DCLK1: variants seen among roughly 807,000 people sequenced by gnomAD.
DCLK1 encodes doublecortin like kinase 1, also known as serine/threonine-protein kinase DCLK1.
Under a neutral mutation model 86.2 loss-of-function variants are expected in DCLK1, and 16 were observed. That is an observed-to-expected ratio of 0.19 (90% confidence interval 0.13 to 0.28). The LOEUF (loss-of-function observed/expected upper bound fraction) is 0.28. Among genes scored for constraint, DCLK1 ranks in the 10% least tolerant of loss-of-function variants. DCLK1 has a pLI of 1.00. For missense variants in DCLK1, 590 were observed against 940.2 expected, an observed-to-expected ratio of 0.63 and a Z score of 4.87; for synonymous variants, 369 against 370.5, an observed-to-expected ratio of 1.00 and a Z score of 0.05.
intron 3 of DCLK1, among the ~76,000 whole-genome samples, chr13:36,039,089 AC>A (rs1475831564): frequency 6.6e-6 from 1 of 152,198 alleles, no homozygotes; most frequent in African/African-American, 2.4e-5. Context: ...TTGATCTGTC[AC>A]TGTTGTAGAA....
chr13:35,857,830 C>T (rs1234648983), intron 5 of DCLK1, among the ~76,000 whole-genome samples: 1 of 152,100 alleles, frequency 6.6e-6, no homozygotes, highest in Non-Finnish European at 1.5e-5. Context: ...TGTTTCAGGG[C>T]TGGATACGAG....
At chr13:36,122,690 T>C (rs1886036291) in intron 2 of DCLK1, among the ~76,000 whole-genome samples, 1 of 152,230 alleles carries the variant, frequency 6.6e-6, no homozygotes, top group East Asian at 1.9e-4. Context: ...TCAACTTTCC[T>C]TATTAAGCAT....
intron 3 of DCLK1, among the ~76,000 whole-genome samples, chr13:36,001,247 C>T (rs1416570092): frequency 2.0e-5 from 3 of 152,112 alleles, no homozygotes; most frequent in African/African-American, 4.8e-5. Flanking sequence ...CGCGCCTGGC[C>T]GCATAACTGA....
At chr13:35,902,709 C>T (rs866835197) in intron 4 of DCLK1, among the ~76,000 whole-genome samples, 3 of 152,222 alleles carry the variant, frequency 2.0e-5, no homozygotes, top group African/African-American at 2.4e-5. Context: ...GTGGGGGGTG[C>T]TGTGACAATG....
intron 3 of DCLK1, among the ~76,000 whole-genome samples, chr13:36,083,599 A>G (rs1202298434): frequency 6.6e-6 from 1 of 152,258 alleles, no homozygotes; most frequent in Non-Finnish European, 1.5e-5. Flanking sequence ...CTAAGAAACA[A>G]GCAATTGTAT....
chr13:35,938,227 C>G (rs1203053097), intron 4 of DCLK1, among the ~76,000 whole-genome samples: 1 of 152,100 alleles, frequency 6.6e-6, no homozygotes, highest in African/African-American at 2.4e-5. Flanking sequence ...AGGAGGGAAG[C>G]TCCCCTTAGA....
chr13:35,949,531 A>G (rs1451391500), intron 3 of DCLK1, among the ~76,000 whole-genome samples: 1 of 152,190 alleles, frequency 6.6e-6, no homozygotes, highest in South Asian at 2.1e-4. Flanking sequence ...TGATGGGCCT[A>G]CTCTACATCA....
chr13:35,913,395 C>T (rs1171402866), intron 4 of DCLK1, among the ~76,000 whole-genome samples: 1 of 152,230 alleles, frequency 6.6e-6, no homozygotes, highest in Non-Finnish European at 1.5e-5. Context: ...GACTTCACTT[C>T]TTAATGAATA....
At chr13:35,991,691 G>A (rs1880236932) in intron 3 of DCLK1, among the ~76,000 whole-genome samples, 1 of 152,070 alleles carries the variant, frequency 6.6e-6, no homozygotes, top group African/African-American at 2.4e-5. Flanking sequence ...CTTGTATTAA[G>A]TAAATTTGCA....
At chr13:35,821,274 G>A (rs575101208) in intron 11 of DCLK1, among the ~76,000 whole-genome samples, 1 of 152,306 alleles carries the variant, frequency 6.6e-6, no homozygotes, top group South Asian at 2.1e-4. Context: ...GTACATAGAT[G>A]GTTCTCCATC....
At chr13:35,981,222 G>GT (rs1301859227) in intron 3 of DCLK1, among the ~76,000 whole-genome samples, 3 of 151,020 alleles carry the variant, frequency 2.0e-5, no homozygotes, top group Non-Finnish European at 3.0e-5. Flanking sequence ...AATAAAAAGT[G>GT]TTTTGTTTTT....
At chr13:35,912,367 A>C (rs1214660282) in intron 4 of DCLK1, among the ~76,000 whole-genome samples, 1 of 152,168 alleles carries the variant, frequency 6.6e-6, no homozygotes, top group Non-Finnish European at 1.5e-5. Context: ...ATGTCTTTTT[A>C]CCAATCGAAT....
intron 2 of DCLK1, among the ~76,000 whole-genome samples, chr13:36,115,918 A>G (rs971279016): frequency 1.3e-5 from 2 of 149,678 alleles, no homozygotes; most frequent in Admixed American, 1.3e-4. Flanking sequence ...GTTCCTGTGT[A>G]AAAAATCACC....
chr13:35,829,791 C>T (rs865845417), intron 8 of DCLK1, among the ~76,000 whole-genome samples: 6 of 152,256 alleles, frequency 3.9e-5, no homozygotes, highest in African/African-American at 1.4e-4. Context: ...GAAGGTAAAC[C>T]CTTTGCTTCG....
chr13:35,877,483 A>C (rs78489423), intron 4 of DCLK1, among the ~76,000 whole-genome samples: 1,728 of 152,346 alleles, frequency 0.011, 22 homozygotes, highest in South Asian at 0.031. Flanking sequence ...AATCTTGAAC[A>C]AGGCATAGGT....
chr13:36,012,108 A>G (rs1279405025), intron 3 of DCLK1, among the ~76,000 whole-genome samples: 4 of 136,708 alleles, frequency 2.9e-5, no homozygotes, highest in Admixed American at 2.2e-4. Context: ...TTTTATTTTG[A>G]GCCTATGTGT....
At chr13:36,031,395 T>A (rs150897429) in intron 3 of DCLK1, among the ~76,000 whole-genome samples, 1 of 152,102 alleles carries the variant, frequency 6.6e-6, no homozygotes, top group Non-Finnish European at 1.5e-5. Context: ...TAGCTTGAAC[T>A]CTGCAGTGGT....
chr13:36,001,390 G>A (rs1387251572), intron 3 of DCLK1, among the ~76,000 whole-genome samples: 3 of 152,172 alleles, frequency 2.0e-5, no homozygotes, highest in South Asian at 4.1e-4. Flanking sequence ...AGAACCAGCT[G>A]CCTATGGGTT....
intron 3 of DCLK1, among the ~76,000 whole-genome samples, chr13:36,044,812 A>G (rs930792024): frequency 6.6e-6 from 1 of 152,138 alleles, no homozygotes; most frequent in African/African-American, 2.4e-5. Context: ...ATCAAGAAAT[A>G]ACAAAATAAA....
Sources: gnomAD v4.1 joint callset for allele counts (sites outside exome capture counted in the v4.1 genomes callset) on GRCh38, gnomAD v4.1.1 for gene constraint, MANE v1.5 for transcripts, NCBI Gene and HGNC (gene_info 2026-07-23, HGNC 2026-07-21) for gene names.